Variants in FIP1L1 observed in about 807,000 individuals in gnomAD.
FIP1L1 encodes the protein factor interacting with PAPOLA and CPSF1, also known as pre-mRNA 3'-end-processing factor FIP1.
Under a neutral mutation model 84.6 loss-of-function variants are expected in FIP1L1, and 21 were observed. That is an observed-to-expected ratio of 0.25 (90% CI 0.18 to 0.36). The LOEUF is 0.36. FIP1L1 is among the 10% of genes least tolerant of loss of function. FIP1L1 has a pLI of 1.00. For missense variants in FIP1L1, 526 were observed against 751.1 expected (o/e 0.70, Z 3.50); for synonymous variants, 263 against 242.3 (o/e 1.09, Z -0.80).
At chr4:53,456,394 A>G (rs1718946524) in intron 16 of FIP1L1, among the ~76,000 whole-genome samples, 1 of 152,182 alleles carries the variant, frequency 6.6e-6, no homozygotes, top group Non-Finnish European at 1.5e-5. Flanking sequence ...GTAGGGCATT[A>G]GGAGTCAATG....
In FIP1L1 at chr4:53,452,731, T is replaced by G. The variant is rs547120203; in HGVS notation, c.1286-189T>G. On this transcript the variant is annotated intron_variant, in intron 15 of 17. Coordinates refer to ENST00000337488, the MANE Select transcript of FIP1L1 (RefSeq NM_030917.4). ...TGTTCACCTTGTATAATGAAGGGTC[T>G]TTATATGTTAGGTTTTTAAGATTTG... Among the ~76,000 whole-genome samples, 26 of 152,330 alleles carry G rather than the reference T, an allele frequency of 1.7e-4. No individual in the cohort carries two copies. In the East Asian group the frequency reaches 5.0e-3, roughly 29 times the overall value.
At chr4:53,437,723 ATTATT>A (rs1003072482) in intron 13 of FIP1L1, among the ~76,000 whole-genome samples, 2 of 150,842 alleles carry the variant, frequency 1.3e-5, no homozygotes, top group Non-Finnish European at 3.0e-5. Flanking sequence ...TTATTTATTT[ATTATT>A]TTATTTTATT....
chr4:53,440,489 G>T, intron 13 of FIP1L1: 2 of 751,452 alleles, frequency 2.7e-6, no homozygotes, highest in African/African-American at 1.8e-5. Context: ...GAGGCGAGGG[G>T]TTTTATTTCA....
rs531488760 is a variant in FIP1L1 at position 53,381,753 on chromosome 4, C to CTTTTTTTTTTTTTTTTTTTTTTTTTTTT, written c.171-501_171-500insTTTTTTTTTTTTTTTTTTTTTTTTTTTT. Among the ~76,000 whole-genome samples, 12 of 87,942 alleles carry CTTTTTTTTTTTTTTTTTTTTTTTTTTTT rather than the reference C, an allele frequency of 1.4e-4. 2 individuals are homozygous for CTTTTTTTTTTTTTTTTTTTTTTTTTTTT. Among genetic ancestry groups the CTTTTTTTTTTTTTTTTTTTTTTTTTTTT allele is most frequent in the South Asian group, 1.0e-3 (2 of 2,010 alleles). The allele number at this position is 87,942 out of a possible 152,430, so 57.7% of individuals were successfully genotyped here. A position where few individuals can be genotyped will look rare whatever the true frequency, so the allele number is the denominator to read the frequency against. On this transcript the variant is annotated intron_variant, in intron 3 of 17. Transcript: ENST00000337488. ...AATAAACTGTGAAGGCATTTGCATTCTTTTTTTTTTTTTTTTTTTTTTTTG... is the reference window on the plus strand; with the variant it reads ...AATAAACTGTGAAGGCATTTGCATTCTTTTTTTTTTTTTTTTTTTTTTTTTTTTTTTTTTTTTTTTTTTTTTTTTTTTG...
chr4:53,421,796 T>C (rs1449919841), intron 11 of FIP1L1, among the ~76,000 whole-genome samples: 1 of 152,168 alleles, frequency 6.6e-6, no homozygotes, highest in African/African-American at 2.4e-5. Flanking sequence ...GCAAAATAAT[T>C]TGAAAATTTG....
chr4:53,440,147 G>A (rs991833617), intron 13 of FIP1L1, among the ~76,000 whole-genome samples: 3 of 152,022 alleles, frequency 2.0e-5, no homozygotes, highest in African/African-American at 7.2e-5. Flanking sequence ...CTTTACAAAA[G>A]TCAGTAATAT....
chr4:53,413,630 T>C (rs1429511144), intron 10 of FIP1L1, among the ~76,000 whole-genome samples: 1 of 152,152 alleles, frequency 6.6e-6, no homozygotes, highest in Non-Finnish European at 1.5e-5. Flanking sequence ...AGTTTAGGAT[T>C]TGTTTACAGT....
At chr4:53,389,995 G>A (rs1359909164) in intron 6 of FIP1L1, 122 bp downstream of exon 6, 3 of 692,060 alleles carry the variant, frequency 4.3e-6, no homozygotes, top group African/African-American at 1.9e-5. Flanking sequence ...CTGGAGTACA[G>A]TGGCGCAATC....
chr4:53,419,606 A>G (rs1761275112), intron 11 of FIP1L1, among the ~76,000 whole-genome samples: 1 of 151,788 alleles, frequency 6.6e-6, no homozygotes, highest in East Asian at 1.9e-4. Context: ...TGCTCGGCTA[A>G]TTTTTTATTT....
intron 11 of FIP1L1, among the ~76,000 whole-genome samples, chr4:53,423,491 T>A (rs1307720736): frequency 6.6e-6 from 1 of 152,200 alleles, no homozygotes; most frequent in Non-Finnish European, 1.5e-5. Context: ...ATAATATGGT[T>A]CAATATTTTT....
intron 11 of FIP1L1, among the ~76,000 whole-genome samples, chr4:53,420,807 T>A (rs17082744): frequency 0.13 from 19,733 of 152,134 alleles, 2,549 homozygotes; most frequent in African/African-American, 0.32. Flanking sequence ...CTAAAAGATC[T>A]GTAGAAAAAT....
chr4:53,431,513 ATTAGACTTCTAATGT>A (rs1766642550), intron 13 of FIP1L1, among the ~76,000 whole-genome samples: 1 of 152,192 alleles, frequency 6.6e-6, no homozygotes, highest in Admixed American at 6.5e-5. Context: ...CCTTTTTAAC[ATTAGACTTCTAATGT>A]TTTTAAAAGT....
intron 15 of FIP1L1, among the ~76,000 whole-genome samples, chr4:53,446,084 C>T (rs544111424): frequency 7.2e-5 from 11 of 152,236 alleles, no homozygotes; most frequent in African/African-American, 1.4e-4. Flanking sequence ...ATCAGGGTAT[C>T]GTACTGTCCT....
At chr4:53,399,919 G>T in intron 10 of FIP1L1, 80 bp downstream of exon 10, 1 of 943,108 alleles carries the variant, frequency 1.1e-6, no homozygotes, top group Non-Finnish European at 1.6e-6. Context: ...AAGTATAAAA[G>T]CTCTGAATGT....
In FIP1L1 at chr4:53,384,970, A is replaced by C. The variant is rs1740139296; in HGVS notation, c.332+1094A>C. ...TTTCAGAAGTCATTTCAGGAAGCTT[A>C]AAGCCAATTCAGTTATTGTCATAGT... On this transcript the variant is annotated intron_variant, in intron 5 of 17. Transcript: ENST00000337488. Among the ~76,000 whole-genome samples, 2 of 152,200 alleles carry C rather than the reference A, an allele frequency of 1.3e-5. 1 individual carries two copies. Among genetic ancestry groups the C allele is most frequent in the Admixed American group, 1.3e-4 (2 of 15,284 alleles).
chr4:53,444,529 A>G (rs1002640436), intron 15 of FIP1L1, among the ~76,000 whole-genome samples: 8 of 152,092 alleles, frequency 5.3e-5, no homozygotes, highest in Non-Finnish European at 8.8e-5. Flanking sequence ...TATCCATTCC[A>G]AGGCCTTCTG....
At chr4:53,408,216 C>T (rs1304268992) in intron 10 of FIP1L1, among the ~76,000 whole-genome samples, 1 of 152,136 alleles carries the variant, frequency 6.6e-6, no homozygotes, top group African/African-American at 2.4e-5. Flanking sequence ...TCAGCATTTG[C>T]TTGTCTGTAA....
At chr4:53,399,014 G>A (rs897614129) in intron 9 of FIP1L1, among the ~76,000 whole-genome samples, 5 of 152,130 alleles carry the variant, frequency 3.3e-5, no homozygotes, top group African/African-American at 1.2e-4. Context: ...AGCCAGGCAT[G>A]GTGGTGCACA....
In FIP1L1 at chr4:53,459,782, GTTTT is replaced by G. The variant is rs1207038701; in HGVS notation, c.*337_*340del. The G allele has an allele frequency of 1.3e-5, 4 of 319,174 alleles. No individual in the cohort carries two copies. Among genetic ancestry groups the G allele is most frequent in the Non-Finnish European group, 2.3e-5 (4 of 171,178 alleles). 19.8% of individuals were successfully genotyped at this position (319,174 alleles called of 1,614,324 possible). A position where few individuals can be genotyped will look rare whatever the true frequency, so the allele number is the denominator to read the frequency against. ...GGTCAAGGGTTCCACTTGGGCCACA[GTTTT>G]TTTGTTAATCAAACACCACTCTCTT... is the stretch of plus-strand genomic sequence containing the variant. On this transcript the variant is annotated 3_prime_UTR_variant, in exon 18 of 18. Coordinates refer to ENST00000337488, the MANE Select transcript of FIP1L1 (RefSeq NM_030917.4).
Sources: allele counts gnomAD v4.1 joint callset (sites outside exome capture counted in the v4.1 genomes callset), GRCh38; gene constraint gnomAD v4.1.1; transcripts MANE v1.5; gene names NCBI Gene and HGNC (gene_info 2026-07-23, HGNC 2026-07-21).